CCDC175: variants seen among roughly 807,000 people sequenced by gnomAD.
CCDC175 encodes coiled-coil domain containing 175.
Under a neutral mutation model 114.6 loss-of-function variants are expected in CCDC175, and 100 were observed. The ratio of observed to expected loss-of-function variants is 0.87; its 90% confidence interval spans 0.74 to 1.03. CCDC175 has a LOEUF of 1.03. Ranked by LOEUF, CCDC175 falls within the 50% of genes least tolerant of loss-of-function variation. The pLI, the probability that CCDC175 is intolerant of heterozygous loss-of-function variation, is 0.00. For missense variants in CCDC175, 880 were observed against 917.8 expected, an observed-to-expected ratio of 0.96 and a Z score of 0.53; for synonymous variants, 306 against 308.7, an observed-to-expected ratio of 0.99 and a Z score of 0.09.
intron 8 of CCDC175, among the ~76,000 whole-genome samples, chr14:59,547,371 G>A (rs1029399477): frequency 3.3e-5 from 5 of 152,132 alleles, no homozygotes; most frequent in Admixed American, 6.5e-5. Context: ...TTGGAAGAAC[G>A]TGACAAAATT....
intron 17 of CCDC175, among the ~76,000 whole-genome samples, chr14:59,518,071 A>C (rs1893208526): frequency 2.6e-5 from 4 of 152,358 alleles, no homozygotes; most frequent in South Asian, 4.1e-4. Flanking sequence ...GAAATGGGGA[A>C]ACGATTCCCT....
intron 6 of CCDC175, among the ~76,000 whole-genome samples, chr14:59,562,394 A>T (rs1208121960): frequency 1.3e-5 from 2 of 152,216 alleles, no homozygotes; most frequent in South Asian, 4.1e-4. Flanking sequence ...AACGGCAACA[A>T]ACTACCAAAT....
rs1292535413 is a variant in CCDC175, at chr14:59,572,751, T to A, written c.306A>T (p.Leu102=). Residue 102 remains leucine (L), a synonymous_variant, in exon 3 of 20, where the codon CTA becomes CTT. Transcript: ENST00000537690. The part of the protein sequence containing the change: ...LEIESMELNK[L]YYLLETLPNS... ...TGGGAAGAGTTTCCAATAGATAGTA[T>A]AGTTTGTTGAGTTCCATGCTTTCAA... The A allele has an allele frequency of 1.3e-6, 2 of 1,520,976 alleles. No individual in the cohort carries two copies. The allele number at this position is 1,520,976 out of a possible 1,614,324, so 94.2% of individuals were successfully genotyped here. A position where few individuals can be genotyped will look rare whatever the true frequency, so the allele number is the denominator to read the frequency against.
chr14:59,550,948 G>A lies in CCDC175; in HGVS notation c.1035+407C>T, dbSNP rs574552028. Among the ~76,000 whole-genome samples the A allele has an allele frequency of 1.6e-4, 25 of 152,270 alleles. No individual in the cohort carries two copies. The South Asian group carries it at 5.2e-3, about 32-fold the overall frequency. ...TTTGATCTAGTCAAGTTGACACTCA[G>A]TATTAACCATCACAATATGATATAT... On this transcript the variant is annotated intron_variant, in intron 8 of 19. Coordinates refer to ENST00000537690, the MANE Select transcript of CCDC175 (RefSeq NM_001164399.2).
chr14:59,526,470 C>T (rs1893742923), intron 15 of CCDC175, among the ~76,000 whole-genome samples: 1 of 151,522 alleles, frequency 6.6e-6, no homozygotes, highest in Non-Finnish European at 1.5e-5. Flanking sequence ...AGCCAGAAAT[C>T]GCTTGAACCT....
intron 16 of CCDC175, among the ~76,000 whole-genome samples, chr14:59,523,954 A>C (rs1594997072): frequency 6.6e-6 from 1 of 151,968 alleles, no homozygotes; most frequent in African/African-American, 2.4e-5. Flanking sequence ...GTGCCACTGC[A>C]CTCCAGCCTG....
In CCDC175 at chr14:59,572,751, T is replaced by C. The variant is rs1292535413; in HGVS notation, c.306A>G (p.Leu102=). ...LEIESMELNK[L]YYLLETLPNS... is the part of the protein sequence containing the mutation. ...TGGGAAGAGTTTCCAATAGATAGTA[T>C]AGTTTGTTGAGTTCCATGCTTTCAA... Residue 102 remains leucine (L), a synonymous_variant, in exon 3 of 20, where the codon CTA becomes CTG. Transcript: ENST00000537690. 1 of 1,521,092 alleles carries C rather than the reference T, an allele frequency of 6.6e-7. No homozygotes were observed. The highest frequency in any genetic ancestry group is 8.7e-7 in the Non-Finnish European group (1 of 1,143,094). The allele number at this position is 1,521,092 out of a possible 1,614,324, so 94.2% of individuals were successfully genotyped here. A position where few individuals can be genotyped will look rare whatever the true frequency, so the allele number is the denominator to read the frequency against.
At chr14:59,552,800 C>T (rs1007025000) in intron 7 of CCDC175, among the ~76,000 whole-genome samples, 13 of 152,106 alleles carry the variant, frequency 8.5e-5, no homozygotes, top group African/African-American at 1.2e-4. Flanking sequence ...AACCATGGTA[C>T]GTGAACTACG....
chr14:59,537,600 C>G (rs1221341585), intron 13 of CCDC175, among the ~76,000 whole-genome samples: 1 of 152,058 alleles, frequency 6.6e-6, no homozygotes, highest in Non-Finnish European at 1.5e-5. Flanking sequence ...GCTTTTCTCT[C>G]CACCTCCCCC....
Position 59,551,445 on chromosome 14 carries a change from A to G in CCDC175, c.954-9T>C. 7.5e-7 allele frequency: 1 copy of G among 1,339,810 alleles called. No homozygotes were observed. The highest frequency in any genetic ancestry group is 1.0e-6 in the Non-Finnish European group (1 of 1,002,026). The allele number at this position is 1,339,810 out of a possible 1,614,324, so 83.0% of individuals were successfully genotyped here. ...TATCTGTGAAAAAACACCTATGAAC[A>G]AAGGAAGCCAAACAGATTCATATAA... On this transcript the variant is annotated splice_polypyrimidine_tract_variant and intron_variant, in intron 7 of 19. Transcript: ENST00000537690.
At chr14:59,567,461 T>C (rs558905742) in intron 4 of CCDC175, among the ~76,000 whole-genome samples, 3 of 152,322 alleles carry the variant, frequency 2.0e-5, no homozygotes, top group African/African-American at 7.2e-5. Flanking sequence ...TTTTTTCCCC[T>C]ATGATAAGGG....
intron 7 of CCDC175, among the ~76,000 whole-genome samples, chr14:59,555,478 G>C (rs1225720537): frequency 2.0e-5 from 3 of 152,108 alleles, no homozygotes; most frequent in African/African-American, 4.8e-5. Context: ...AATAATAAGA[G>C]CTATTTATGA....
intron 5 of CCDC175, 121 bp downstream of exon 5, chr14:59,564,926 G>A (rs1297403538): frequency 2.6e-5 from 18 of 701,258 alleles, no homozygotes; most frequent in Middle Eastern, 4.0e-4. Context: ...TTTTCCCAGC[G>A]CGTTCACAGA....
chr14:59,525,154 T>A (rs1190943540), intron 16 of CCDC175, 128 bp downstream of exon 16: 5 of 682,988 alleles, frequency 7.3e-6, no homozygotes, highest in African/African-American at 1.9e-5. Context: ...TCTGGGCACT[T>A]TTCTGTGTGT....
intron 19 of CCDC175, among the ~76,000 whole-genome samples, chr14:59,508,333 G>A (rs11627985): frequency 0.39 from 58,014 of 149,904 alleles, 11,945 homozygotes; most frequent in African/African-American, 0.52. Flanking sequence ...GCTGAGGCAG[G>A]AGGATTGCTT....
intron 3 of CCDC175, among the ~76,000 whole-genome samples, chr14:59,571,148 TAAAAAAAAA>T (rs35713404): frequency 7.8e-6 from 1 of 128,412 alleles, no homozygotes; most frequent in African/African-American, 2.9e-5. Flanking sequence ...GAAATTTACC[TAAAAAAAAA>T]AAAAAAAAAA....
intron 4 of CCDC175, 56 bp from the exon 5 acceptor site, chr14:59,565,331 G>A (rs2140115413): frequency 7.4e-7 from 1 of 1,342,428 alleles, no homozygotes; most frequent in Non-Finnish European, 1.0e-6. Flanking sequence ...GAAAGGAATA[G>A]TCTGTGTGGT....
At chr14:59,531,715 A>G in intron 14 of CCDC175, 57 bp downstream of exon 14, 1 of 1,244,712 alleles carries the variant, frequency 8.0e-7, no homozygotes, top group Non-Finnish European at 1.1e-6. Flanking sequence ...GTGTTAGAAG[A>G]TGACAGTGAA....
intron 7 of CCDC175, among the ~76,000 whole-genome samples, chr14:59,551,863 G>A (rs556284859): frequency 3.7e-4 from 56 of 152,130 alleles, no homozygotes; most frequent in Admixed American, 2.5e-3. Context: ...ATGGAGCCTC[G>A]CTCATTGCTA....
Sources: allele counts gnomAD v4.1 joint callset (sites outside exome capture counted in the v4.1 genomes callset), GRCh38; gene constraint gnomAD v4.1.1; transcripts MANE v1.5; gene names NCBI Gene and HGNC (gene_info 2026-07-23, HGNC 2026-07-21).